Variants in ZNF423 observed in about 807,000 individuals in gnomAD.
ZNF423 encodes the protein zinc finger protein 423.
ZNF423 carries 12 observed loss-of-function variants against 95.8 expected under a neutral mutation model. That is an observed-to-expected ratio of 0.13 (90% confidence interval 0.08 to 0.20). The LOEUF is 0.20. ZNF423 is among the 10% of genes least tolerant of loss of function. The pLI, the probability that ZNF423 is intolerant of heterozygous loss-of-function variation, is 1.00. For missense variants in ZNF423, 1,316 were observed against 1,737.1 expected (o/e 0.76, Z 4.31); for synonymous variants, 749 against 711.9 (o/e 1.05, Z -0.83).
In ZNF423 at chr16:49,682,408, G is replaced by A. The variant is rs145008001; in HGVS notation, c.302-43534C>T. Among the ~76,000 whole-genome samples, 499 of 152,308 alleles carry A rather than the reference G, an allele frequency of 3.3e-3. 1 individual carries two copies. The highest frequency in any genetic ancestry group is 4.8e-3 in the Non-Finnish European group (329 of 68,024). ...AAAGGAGGGTGGGTGCAGAAGGCCC[G>A]GCCCCAAGGGAGAGCCAAGGGATGC... On this transcript the variant is annotated intron_variant, in intron 3 of 7. Transcript: ENST00000563137.
chr16:49,638,767 C>A lies in ZNF423; in HGVS notation c.409G>T (p.Glu137Ter), dbSNP rs747342689. The A allele has an allele frequency of 6.2e-7, 1 of 1,614,112 alleles. No homozygotes were observed. The highest frequency in any genetic ancestry group is 8.5e-7 in the Non-Finnish European group (1 of 1,180,046). Residue 137 changes from glutamate (E) to a stop codon, truncating the protein, a stop_gained, in exon 4 of 8, where the codon GAG (glutamate) becomes TAG (stop). Transcript: ENST00000563137. LOFTEE classifies it high-confidence loss of function. The surrounding 1 kb of genome is among the most constrained non-coding windows in gnomAD (Gnocchi z 5.6). ...IGDGCDLGLG[E>*]EEGGTGLPYP... is the part of the protein sequence containing the mutation. ...GGCAGGCCCGTGCCCCCTTCCTCCTCGCCGAGGCCGAGGTCACAACCATCT... is the reference window on the plus strand; with the variant it reads ...GGCAGGCCCGTGCCCCCTTCCTCCTAGCCGAGGCCGAGGTCACAACCATCT...
At chr16:49,607,334 C>T (rs1354941704) in intron 5 of ZNF423, among the ~76,000 whole-genome samples, 2 of 152,188 alleles carry the variant, frequency 1.3e-5, no homozygotes, top group African/African-American at 4.8e-5. Context: ...CTAAGCCCAG[C>T]ATGGACTGAG....
chr16:49,606,971 A>G (rs1971556626), intron 5 of ZNF423, among the ~76,000 whole-genome samples: 1 of 152,204 alleles, frequency 6.6e-6, no homozygotes. Context: ...CTGCCCCAGG[A>G]GCAGGAGACA....
upstream of ZNF423, among the ~76,000 whole-genome samples, chr16:49,859,025 C>A (rs1402217943): frequency 6.6e-6 from 1 of 152,168 alleles, no homozygotes; most frequent in Non-Finnish European, 1.5e-5. Context: ...CCCGCCCAGG[C>A]TTTCTGGGGG....
intron 5 of ZNF423, among the ~76,000 whole-genome samples, chr16:49,594,383 C>T (rs1450802914): frequency 6.6e-6 from 1 of 152,062 alleles, no homozygotes; most frequent in Non-Finnish European, 1.5e-5. Flanking sequence ...CTGGGAAGCC[C>T]CCAGGCCTCT....
chr16:49,765,308 G>A (rs1400721858), intron 2 of ZNF423, among the ~76,000 whole-genome samples: 1 of 152,166 alleles, frequency 6.6e-6, no homozygotes, highest in Non-Finnish European at 1.5e-5. Context: ...TTCCGAAGGT[G>A]GATGGTGGTG....
intron 1 of ZNF423, among the ~76,000 whole-genome samples, chr16:49,838,619 C>G (rs1046056097): frequency 3.9e-5 from 6 of 152,078 alleles, no homozygotes; most frequent in Non-Finnish European, 5.9e-5. Context: ...CACCCAAGGG[C>G]GGCACCAGCT....
chr16:49,638,558 C>T lies in ZNF423; in HGVS notation c.618G>A (p.Glu206=), dbSNP rs1555516039. The change falls in exon 4 of 8, where the codon GAG becomes GAA. Residue 206 remains glutamate (E), a synonymous_variant. Transcript: ENST00000563137. The surrounding 1 kb of genome is among the most constrained non-coding windows in gnomAD (Gnocchi z 5.6). ...CGCTGCGGGAGAAGGCTGCCTCGCA[C>T]TCGTGGCAGTGATACTTCTTGTCGC... ...HTGDKKYHCH[E]CEAAFSRSDH... 1.2e-6 allele frequency: 2 copies of T among 1,613,880 alleles called. No individual in the cohort carries two copies. Among genetic ancestry groups the T allele is most frequent in the Non-Finnish European group, 1.7e-6 (2 of 1,180,038 alleles).
At chr16:49,677,633 A>T (rs1373431559) in intron 3 of ZNF423, among the ~76,000 whole-genome samples, 2 of 151,802 alleles carry the variant, frequency 1.3e-5, no homozygotes, top group African/African-American at 4.8e-5. Context: ...AAATTTTTTT[A>T]AAAGTAGCTA....
Position 49,651,703 on chromosome 16 carries a change from A to G in ZNF423, c.302-12829T>C, listed in dbSNP as rs1451140252. ...GTTGTTTTAAAGATGAAATCAGTGA[A>G]TATCTGTAAGGCGTTATATATGACA... On this transcript the variant is annotated intron_variant, in intron 3 of 7. Transcript: ENST00000563137. Among the ~76,000 whole-genome samples, 5 of 152,342 alleles carry G rather than the reference A, an allele frequency of 3.3e-5. No homozygotes were observed. In the East Asian group the frequency reaches 9.6e-4, roughly 29 times the overall value.
chr16:49,707,268 C>T (rs1393274969), intron 3 of ZNF423, among the ~76,000 whole-genome samples: 3 of 152,152 alleles, frequency 2.0e-5, no homozygotes, highest in Non-Finnish European at 4.4e-5. Flanking sequence ...CACCCACTTA[C>T]CTCTTGCTCC....
intron 7 of ZNF423, among the ~76,000 whole-genome samples, chr16:49,497,821 G>C (rs2151653063): frequency 6.6e-6 from 1 of 152,336 alleles, no homozygotes; most frequent in Non-Finnish European, 1.5e-5. Flanking sequence ...CCATGTTCGT[G>C]CTCAGCAGGG....
intron 1 of ZNF423, among the ~76,000 whole-genome samples, chr16:49,842,503 T>C (rs533499507): frequency 7.3e-5 from 11 of 151,130 alleles, no homozygotes; most frequent in Admixed American, 5.9e-4. Flanking sequence ...TCCCAACATT[T>C]TAGGAGGCCA....
At chr16:49,568,006 G>A (rs1970245635) in intron 5 of ZNF423, among the ~76,000 whole-genome samples, 1 of 152,188 alleles carries the variant, frequency 6.6e-6, no homozygotes, top group Non-Finnish European at 1.5e-5. Flanking sequence ...AGAGAATAAT[G>A]GCACTCCTGA....
intron 7 of ZNF423, among the ~76,000 whole-genome samples, chr16:49,519,936 C>G (rs1271731847): frequency 1.3e-5 from 2 of 152,188 alleles, no homozygotes; most frequent in Admixed American, 6.5e-5. Flanking sequence ...ACTCACGGCT[C>G]TCTTCCACAC....
intron 5 of ZNF423, among the ~76,000 whole-genome samples, chr16:49,602,378 G>A (rs890021135): frequency 9.9e-5 from 15 of 152,198 alleles, no homozygotes; most frequent in South Asian, 2.1e-4. Context: ...GAGTTTCACC[G>A]TAGAAGATGT....
At chr16:49,819,419 T>C (rs564821937) in intron 1 of ZNF423, among the ~76,000 whole-genome samples, 1 of 152,110 alleles carries the variant, frequency 6.6e-6, no homozygotes, top group East Asian at 1.9e-4. Context: ...CTAGAGCACA[T>C]GTTACTGTTA....
intron 1 of ZNF423, among the ~76,000 whole-genome samples, chr16:49,844,169 C>T (rs2035219700): frequency 3.3e-5 from 5 of 151,084 alleles, no homozygotes; most frequent in Admixed American, 3.3e-4. Context: ...ATAGTCCCAG[C>T]AACTCAGGAG....
intron 5 of ZNF423, among the ~76,000 whole-genome samples, chr16:49,538,449 C>T (rs1969131194): frequency 6.6e-6 from 1 of 152,168 alleles, no homozygotes; most frequent in Non-Finnish European, 1.5e-5. Context: ...CTCCTGGCCC[C>T]ACCTCATCAT....
Sources: allele counts gnomAD v4.1 joint callset (sites outside exome capture counted in the v4.1 genomes callset), GRCh38; gene constraint gnomAD v4.1.1; non-coding constraint Gnocchi (gnomAD v3.1); transcripts MANE v1.5; gene names NCBI Gene and HGNC (gene_info 2026-07-23, HGNC 2026-07-21).